MBTPS2: variants seen among roughly 807,000 people sequenced by gnomAD.
MBTPS2 encodes the protein membrane bound transcription factor peptidase, site 2, also known as membrane-bound transcription factor site-2 protease.
A neutral mutation model predicts 35.4 loss-of-function variants in MBTPS2; 2 were observed. That is an observed-to-expected ratio of 0.06 (90% CI 0.02 to 0.18). The LOEUF (loss-of-function observed/expected upper bound fraction) is 0.18, where lower values mean the gene tolerates loss of function less well. Ranked by LOEUF, MBTPS2 falls within the 10% of genes least tolerant of loss-of-function variation. The pLI is 1.00. For synonymous variants in MBTPS2, 125 were observed against 140.4 expected (o/e 0.89, Z 0.77); for missense variants, 244 against 386.5 (o/e 0.63, Z 3.09).
chrX:21,878,544 C>T lies in MBTPS2; in HGVS notation c.1113C>T (p.Cys371=). 1 of 1,209,425 alleles carries T rather than the reference C, an allele frequency of 8.3e-7. No individual in the cohort carries two copies. The highest frequency in any genetic ancestry group is 1.1e-6 in the Non-Finnish European group (1 of 893,394). The change falls in exon 9 of 11, where the codon TGC becomes TGT. Residue 371 remains cysteine, a synonymous_variant. Coordinates refer to ENST00000379484, the MANE Select transcript of MBTPS2 (RefSeq NM_015884.4). ...AAGCAGTTGAAGCAACTCAAGTTTG[C>T]AGAACCAATAAAGACTGTAAAAAAA... The part of the protein sequence containing the change: ...ARKAVEATQV[C]RTNKDCKKSS...
At chrX:21,866,624 G>A (rs1047669823) in intron 5 of MBTPS2, among the ~76,000 whole-genome samples, 2 of 111,826 alleles carry the variant, frequency 1.8e-5, no homozygotes, top group Admixed American at 1.9e-4. Flanking sequence ...CTACAAATCT[G>A]TACTGAGAGA....
chrX:21,880,867 T>C (rs1477615874), intron 9 of MBTPS2, 30 bp from the exon 10 acceptor site: 1 of 965,909 alleles, frequency 1.0e-6, no homozygotes, highest in African/African-American at 1.9e-5. Flanking sequence ...GTATGAATAA[T>C]ATTTATTATT....
intron 3 of MBTPS2, among the ~76,000 whole-genome samples, chrX:21,848,910 G>T (rs1376862967): frequency 8.9e-6 from 1 of 112,106 alleles, no homozygotes. Context: ...AAAAGGCCTT[G>T]AAAGAAAAGA....
intron 6 of MBTPS2, 34 bp from the exon 7 acceptor site, chrX:21,869,464 G>C (rs377149441): frequency 1.8e-6 from 2 of 1,090,359 alleles, no homozygotes; most frequent in Non-Finnish European, 2.5e-6. Context: ...TTGTCTTCAT[G>C]CATTATCTGA....
At chrX:21,876,355 G>A (rs917138531) in intron 7 of MBTPS2, among the ~76,000 whole-genome samples, 1 of 111,396 alleles carries the variant, frequency 9.0e-6, no homozygotes, top group Non-Finnish European at 1.9e-5. Flanking sequence ...CTTGAGGCCA[G>A]GAGTTCAAGA....
At position 21,869,766 on chromosome X, in the gene MBTPS2, C is replaced by A; in HGVS notation, c.970+88C>A. On this transcript the variant is annotated intron_variant, in intron 7 of 10. Coordinates refer to ENST00000379484, the MANE Select transcript of MBTPS2 (RefSeq NM_015884.4). ...CTTAAACCATGTCTATACATTTATT[C>A]TGTTCTAATCTGTTTAAAGCAAATC... is the stretch of plus-strand genomic sequence containing the variant. 5 of 732,838 alleles carry A rather than the reference C, an allele frequency of 6.8e-6. No homozygotes were observed. The South Asian group carries it at 8.9e-5, about 13-fold the overall frequency. The allele number at this position is 732,838 out of a possible 1,213,427, so 60.4% of individuals were successfully genotyped here.
At chrX:21,859,151 G>A (rs2092927906) in intron 5 of MBTPS2, among the ~76,000 whole-genome samples, 1 of 109,085 alleles carries the variant, frequency 9.2e-6, no homozygotes. Flanking sequence ...GAAATAGGAA[G>A]TTCATTTATT....
In MBTPS2 at chrX:21,868,280, A is replaced by G. The variant is rs951524648; in HGVS notation, c.671-187A>G. On this transcript the variant is annotated intron_variant, in intron 5 of 10. Transcript: ENST00000379484. ...ATTAACATGCCCATTTTAGATTTCA[A>G]TATCTAAAATGAAAGTAACTAATAA... is the stretch of plus-strand genomic sequence containing the variant. Among the ~76,000 whole-genome samples the G allele has an allele frequency of 1.1e-4, 12 of 111,777 alleles. No homozygotes were observed. In the East Asian group the frequency reaches 1.4e-3, roughly 13 times the overall value.
intron 7 of MBTPS2, chrX:21,870,146 C>T (rs1261846583): frequency 1.9e-5 from 2 of 104,022 alleles, no homozygotes; most frequent in African/African-American, 7.3e-5. Flanking sequence ...GAGTCTGAGG[C>T]AGGAGAATCG....
Position 21,843,281 on chromosome X carries a change from A to G in MBTPS2, c.187A>G (p.Ser63Gly). The G allele has an allele frequency of 2.5e-6, 3 of 1,211,376 alleles. No individual in the cohort carries two copies. The highest frequency in any genetic ancestry group is 3.4e-6 in the Non-Finnish European group (3 of 895,195). ...TGCTGTTTTCAATCGTGCCTTTTAC[A>G]GTTGGGGACGGCGGAAAGCAAGGAT... The part of the protein sequence containing the change: ...QTAVFNRAFY[S>G]WGRRKARMLY... The change falls in exon 2 of 11, where the codon AGT becomes GGT. Residue 63 changes from serine to glycine, a missense_variant. Transcript: ENST00000379484.
Position 21,843,274 on chromosome X carries a change from C to A in MBTPS2, c.180C>A (p.Ala60=), listed in dbSNP as rs1173581275. ...GGCAAACTGCTGTTTTCAATCGTGCCTTTTACAGTTGGGGACGGCGGAAAG... is the reference window on the plus strand; with the variant it reads ...GGCAAACTGCTGTTTTCAATCGTGCATTTTACAGTTGGGGACGGCGGAAAG... ...IRWQTAVFNR[A]FYSWGRRKAR... The change falls in exon 2 of 11, where the codon GCC becomes GCA. Residue 60 remains alanine (A), a synonymous_variant. Coordinates refer to ENST00000379484, the MANE Select transcript of MBTPS2 (RefSeq NM_015884.4). 1 of 1,211,471 alleles carries A rather than the reference C, an allele frequency of 8.3e-7. No individual in the cohort carries two copies. Among genetic ancestry groups the A allele is most frequent in the Admixed American group, 2.2e-5 (1 of 46,012 alleles).
At chrX:21,876,202 TCA>T (rs760377234) in intron 7 of MBTPS2, among the ~76,000 whole-genome samples, 1 of 112,079 alleles carries the variant, frequency 8.9e-6, no homozygotes, top group Admixed American at 9.5e-5. Context: ...CATTAGATGC[TCA>T]CAGTCTCCTT....
intron 6 of MBTPS2, among the ~76,000 whole-genome samples, chrX:21,869,023 T>A (rs2092943936): frequency 8.9e-6 from 1 of 112,705 alleles, no homozygotes; most frequent in South Asian, 3.6e-4. Flanking sequence ...ATAACTGCTA[T>A]GATGGCATCA....
At chrX:21,853,020 TCA>T (rs1333418059) in intron 4 of MBTPS2, among the ~76,000 whole-genome samples, 1 of 111,282 alleles carries the variant, frequency 9.0e-6, no homozygotes, top group African/African-American at 3.3e-5. Context: ...TGAAAATAGT[TCA>T]GAGTAAACCA....
At chrX:21,857,328 G>A (rs1226981453) in intron 5 of MBTPS2, 2 of 1,212,113 alleles carry the variant, frequency 1.7e-6, no homozygotes, top group Admixed American at 4.3e-5. Context: ...CGGGCCCAGA[G>A]TCCACGTATG....
chrX:21,843,837 G>A (rs1304210193), intron 2 of MBTPS2, among the ~76,000 whole-genome samples: 2 of 111,144 alleles, frequency 1.8e-5, no homozygotes, highest in Admixed American at 9.6e-5. Context: ...TAATTGGGCC[G>A]GGCGCAGTGG....
At chrX:21,876,289 C>T (rs1304553156) in intron 7 of MBTPS2, among the ~76,000 whole-genome samples, 1 of 111,895 alleles carries the variant, frequency 8.9e-6, no homozygotes, top group African/African-American at 3.2e-5. Context: ...AACAGGCCAG[C>T]TCAGTGGCTC....
At chrX:21,863,491 T>A (rs2092935757) in intron 5 of MBTPS2, among the ~76,000 whole-genome samples, 1 of 110,314 alleles carries the variant, frequency 9.1e-6, no homozygotes, top group Non-Finnish European at 1.9e-5. Flanking sequence ...GAAATGGTAT[T>A]TGGGAAAGAT....
In MBTPS2 at chrX:21,845,315, T is replaced by G. The variant is rs748147417; in HGVS notation, c.369T>G (p.Ser123=). The part of the protein sequence containing the change: ...YSSSSSSSSS[S]SSSSSSSSSS... ...CCTCCTCTTCTTCCTCTTCCTCCTCTTCTTCCTCTTCCTCTTCTTCATCTT... is the reference window on the plus strand; with the variant it reads ...CCTCCTCTTCTTCCTCTTCCTCCTCGTCTTCCTCTTCCTCTTCTTCATCTT... The change falls in exon 3 of 11, where the codon TCT becomes TCG. Residue 123 remains serine, a synonymous_variant. Coordinates refer to ENST00000379484, the MANE Select transcript of MBTPS2 (RefSeq NM_015884.4). The G allele has an allele frequency of 8.4e-7, 1 of 1,192,088 alleles. No homozygotes were observed. Among genetic ancestry groups the G allele is most frequent in the East Asian group, 3.0e-5 (1 of 33,718 alleles).
Sources: allele counts gnomAD v4.1 joint callset (sites outside exome capture counted in the v4.1 genomes callset), GRCh38; gene constraint gnomAD v4.1.1; transcripts MANE v1.5; gene names NCBI Gene and HGNC (gene_info 2026-07-23, HGNC 2026-07-21).